Variants in SMYD3 observed in about 807,000 individuals in gnomAD.
SMYD3 encodes SET and MYND domain containing 3.
SMYD3 carries 36 observed loss-of-function variants against 57.7 expected under a neutral mutation model. The observed-to-expected ratio is 0.62, with a 90% CI of 0.48 to 0.82. SMYD3 has a LOEUF of 0.82. Among genes scored for constraint, SMYD3 ranks in the 40% least tolerant of loss-of-function variants. SMYD3 has a pLI of 0.00. For synonymous variants in SMYD3, 211 were observed against 195.0 expected (o/e 1.08, Z -0.68); for missense variants, 515 against 538.8 (o/e 0.96, Z 0.44).
intron 5 of SMYD3, among the ~76,000 whole-genome samples, chr1:246,192,905 CAA>C (rs1402101192): frequency 3.3e-5 from 4 of 121,306 alleles, no homozygotes; most frequent in African/African-American, 3.1e-5. Flanking sequence ...AAGGTAAAGT[CAA>C]AAAAAAAAAA....
In SMYD3 at chr1:245,948,573, G is replaced by A. The variant is rs116329108; in HGVS notation, c.532-18636C>T. 3.5e-3 allele frequency among the ~76,000 whole-genome samples: 537 copies of A among 152,202 alleles called. 3 individuals are homozygous for A. The highest frequency in any genetic ancestry group is 0.012 in the African/African-American group (517 of 41,540). On this transcript the variant is annotated intron_variant, in intron 5 of 11. Transcript: ENST00000490107. ...TTGTGCTGGGCCCCACATACTGCTCGAGTCCTAAGCAGCTACAGCACAGCA... is the reference window on the plus strand; with the variant it reads ...TTGTGCTGGGCCCCACATACTGCTCAAGTCCTAAGCAGCTACAGCACAGCA...
intron 1 of SMYD3, among the ~76,000 whole-genome samples, chr1:246,365,734 G>C (rs1456303060): frequency 6.6e-6 from 1 of 152,102 alleles, no homozygotes; most frequent in Admixed American, 6.6e-5. Flanking sequence ...GGTTCTGAGA[G>C]CAGAATTAAA....
intron 1 of SMYD3, among the ~76,000 whole-genome samples, chr1:246,492,399 C>A (rs943984130): frequency 2.6e-5 from 4 of 152,086 alleles, no homozygotes; most frequent in African/African-American, 9.7e-5. Context: ...TCAGAGAACG[C>A]CGATGGCTCC....
chr1:246,424,413 A>C (rs992571494), intron 1 of SMYD3, among the ~76,000 whole-genome samples: 1 of 152,098 alleles, frequency 6.6e-6, no homozygotes, highest in South Asian at 2.1e-4. Flanking sequence ...AAACAACAAA[A>C]ATAAATTAAA....
intron 5 of SMYD3, among the ~76,000 whole-genome samples, chr1:246,302,423 G>T (rs1359268116): frequency 6.6e-6 from 1 of 152,120 alleles, no homozygotes; most frequent in African/African-American, 2.4e-5. Flanking sequence ...ATGTGAAACT[G>T]TTTTCATGAA....
intron 11 of SMYD3, among the ~76,000 whole-genome samples, chr1:245,754,045 C>T (rs1482639924): frequency 1.3e-5 from 2 of 152,080 alleles, no homozygotes; most frequent in Non-Finnish European, 2.9e-5. Context: ...CTGCTACACC[C>T]ACATCCAGAC....
intron 5 of SMYD3, among the ~76,000 whole-genome samples, chr1:246,179,375 T>C (rs2062493473): frequency 6.6e-6 from 1 of 152,184 alleles, no homozygotes; most frequent in African/African-American, 2.4e-5. Flanking sequence ...TCTCTTGACA[T>C]ACAGACTGAA....
At chr1:246,026,750 C>T (rs1016188850) in intron 5 of SMYD3, among the ~76,000 whole-genome samples, 29 of 152,162 alleles carry the variant, frequency 1.9e-4, no homozygotes, top group Non-Finnish European at 8.8e-5. Context: ...CCCTGAGACA[C>T]AATAATACTG....
At chr1:246,039,309 G>A (rs1411039018) in intron 5 of SMYD3, among the ~76,000 whole-genome samples, 4 of 152,240 alleles carry the variant, frequency 2.6e-5, no homozygotes, top group Admixed American at 2.6e-4. Flanking sequence ...TGCATATTGA[G>A]ATGTATATTT....
chr1:246,124,198 G>T lies in SMYD3; in HGVS notation c.532-194261C>A, dbSNP rs1270889776. ...ACACTCTCTTTAAAAAGTACCTTTA[G>T]CCTGTGTTCTAGTCTCAGTATTGTC... On this transcript the variant is annotated intron_variant, in intron 5 of 11. Transcript: ENST00000490107. 2.0e-5 allele frequency among the ~76,000 whole-genome samples: 3 copies of T among 152,254 alleles called. No individual in the cohort carries two copies. In the East Asian group the frequency reaches 5.8e-4, roughly 29 times the overall value.
intron 5 of SMYD3, among the ~76,000 whole-genome samples, chr1:246,008,930 G>A (rs2059226889): frequency 6.6e-6 from 1 of 152,152 alleles, no homozygotes; most frequent in Non-Finnish European, 1.5e-5. Flanking sequence ...GAAGAATTCG[G>A]CTCTGGAGTC....
intron 10 of SMYD3, among the ~76,000 whole-genome samples, chr1:245,805,633 T>C (rs566133005): frequency 6.6e-6 from 1 of 152,342 alleles, no homozygotes; most frequent in South Asian, 2.1e-4. Context: ...AAGGGATAGG[T>C]TGAAACCAAA....
chr1:246,137,145 A>G (rs1267048348), intron 5 of SMYD3, among the ~76,000 whole-genome samples: 1 of 152,152 alleles, frequency 6.6e-6, no homozygotes, highest in African/African-American at 2.4e-5. Flanking sequence ...TCATGCTTCT[A>G]AAGTATACAA....
chr1:246,381,151 T>C (rs1297584803), intron 1 of SMYD3, among the ~76,000 whole-genome samples: 2 of 152,188 alleles, frequency 1.3e-5, no homozygotes, highest in African/African-American at 4.8e-5. Context: ...TCTGACTCTC[T>C]AGGCCTCTAG....
At chr1:246,275,639 A>G (rs1325409400) in intron 5 of SMYD3, among the ~76,000 whole-genome samples, 1 of 145,672 alleles carries the variant, frequency 6.9e-6, no homozygotes. Flanking sequence ...AACACTGGCA[A>G]GTTATTTAAT....
chr1:245,883,023 G>A (rs928287830), intron 8 of SMYD3, among the ~76,000 whole-genome samples: 1 of 152,192 alleles, frequency 6.6e-6, no homozygotes, highest in African/African-American at 2.4e-5. Flanking sequence ...GAAAGAAACT[G>A]AGACTGATAC....
chr1:246,064,375 A>T (rs545108228), intron 5 of SMYD3, among the ~76,000 whole-genome samples: 1 of 152,296 alleles, frequency 6.6e-6, no homozygotes, highest in African/African-American at 2.4e-5. Context: ...TATTAAATGC[A>T]GTTCTCAGAA....
chr1:246,064,262 G>C (rs776000475), intron 5 of SMYD3, among the ~76,000 whole-genome samples: 1 of 152,080 alleles, frequency 6.6e-6, no homozygotes, highest in Admixed American at 6.5e-5. Context: ...TCAACCTCCC[G>C]AGCATAGTGG....
intron 5 of SMYD3, among the ~76,000 whole-genome samples, chr1:245,980,788 G>A (rs190219436): frequency 1.5e-3 from 233 of 152,332 alleles, no homozygotes; most frequent in Middle Eastern, 0.01. Flanking sequence ...CCCTACTCCA[G>A]ACTGTATGAT....
Sources: gnomAD v4.1 joint callset for allele counts (sites outside exome capture counted in the v4.1 genomes callset) on GRCh38, gnomAD v4.1.1 for gene constraint, MANE v1.5 for transcripts, NCBI Gene and HGNC (gene_info 2026-07-23, HGNC 2026-07-21) for gene names.